AKAP6: variants seen among roughly 807,000 people sequenced by gnomAD.
AKAP6 encodes the protein A-kinase anchoring protein 6.
A neutral mutation model predicts 188.5 loss-of-function variants in AKAP6; 58 were observed. That is an observed-to-expected ratio of 0.31 (90% CI 0.25 to 0.38). The LOEUF is 0.38. Among genes scored for constraint, AKAP6 ranks in the 10% least tolerant of loss-of-function variants. The probability of loss-of-function intolerance (pLI) is 1.00; values close to 1 mark genes in which losing one functional copy is unlikely to be tolerated. For missense variants in AKAP6, 2,710 were observed against 2,740.0 expected (o/e 0.99, Z 0.24); for synonymous variants, 989 against 998.6 (o/e 0.99, Z 0.18).
At chr14:32,671,816 T>C (rs1283940334) in intron 7 of AKAP6, among the ~76,000 whole-genome samples, 1 of 152,042 alleles carries the variant, frequency 6.6e-6, no homozygotes, top group Non-Finnish European at 1.5e-5. Context: ...AAAAGTAAAA[T>C]GGATTTTAAT....
intron 3 of AKAP6, among the ~76,000 whole-genome samples, chr14:32,544,922 T>G (rs1676883510): frequency 6.6e-6 from 1 of 152,198 alleles, no homozygotes; most frequent in Non-Finnish European, 1.5e-5. Flanking sequence ...AAATTCTTAT[T>G]AAATGAATAA....
At chr14:32,824,836 G>C in intron 13 of AKAP6, 21 bp downstream of exon 13, 2 of 1,517,358 alleles carry the variant, frequency 1.3e-6, no homozygotes, top group Non-Finnish European at 1.8e-6. Context: ...TCCTCATGCC[G>C]TATATGTATT....
In AKAP6 at chr14:32,331,271, G is replaced by A. The variant is rs182080739; in HGVS notation, c.-35+1863G>A. On this transcript the variant is annotated intron_variant, in intron 1 of 13. Transcript: ENST00000280979. ...TTAATTCTTGTCTCTTTTGTTTAAA[G>A]TGCTCTTCAGCTGCTTCATCATGGT... is the stretch of plus-strand genomic sequence containing the variant. Among the ~76,000 whole-genome samples, 221 of 152,114 alleles carry A rather than the reference G, an allele frequency of 1.5e-3. 2 individuals are homozygous for A. The Middle Eastern group carries it at 0.017, about 12-fold the overall frequency.
rs530924757 is a variant in AKAP6 at position 32,431,836 on chromosome 14, A to C, written c.-34-1624A>C. Among the ~76,000 whole-genome samples the C allele has an allele frequency of 3.3e-5, 5 of 152,312 alleles. No individual in the cohort carries two copies. In the South Asian group the frequency reaches 1.0e-3, roughly 32 times the overall value. On this transcript the variant is annotated intron_variant, in intron 1 of 13. Transcript: ENST00000280979. ...GCCTTCTCCTCACCATTGAATTCAA[A>C]AGTTAGATGCCTGAGAAATTAGGGA...
At chr14:32,405,463 A>G (rs1015898402) in intron 1 of AKAP6, among the ~76,000 whole-genome samples, 1 of 152,228 alleles carries the variant, frequency 6.6e-6, no homozygotes, top group African/African-American at 2.4e-5. Flanking sequence ...CAATGTTGAC[A>G]TTATTCAAAT....
At position 32,732,569 on chromosome 14, in the gene AKAP6, A is replaced by G. The variant is rs2031228885; in HGVS notation, c.3116A>G (p.Asp1039Gly). ...CCAAATGATCTCCTTGAAAAAGTGG[A>G]TTCAATTAATGAAAAATGGGAACTG... ...LLPNDLLEKV[D>G]SINEKWELLG... The change falls in exon 10 of 14, where the codon GAT becomes GGT. Residue 1039 changes from aspartate (D) to glycine (G), a missense_variant. By Grantham distance (94) the Asp-to-Gly change is moderately conservative (BLOSUM62 -1). This residue lies in a region of AKAP6 where 2,473 missense variants were observed against 2,426.1 expected (regional missense o/e 1.02). Transcript: ENST00000280979. 6.2e-7 allele frequency: 1 copy of G among 1,613,496 alleles called. No homozygotes were observed. The highest frequency in any genetic ancestry group is 1.1e-5 in the South Asian group (1 of 91,072).
chr14:32,518,950 G>C (rs976662468), intron 2 of AKAP6, among the ~76,000 whole-genome samples: 1 of 152,194 alleles, frequency 6.6e-6, no homozygotes, highest in Non-Finnish European at 1.5e-5. Context: ...AGAGAGAAAG[G>C]TCGGGTTACC....
At position 32,568,876 on chromosome 14, in the gene AKAP6, T is replaced by G. The variant is rs1259582008; in HGVS notation, c.2347-8244T>G. 1.3e-5 allele frequency among the ~76,000 whole-genome samples: 2 copies of G among 152,222 alleles called. No homozygotes were observed. The highest frequency in any genetic ancestry group is 2.9e-5 in the Non-Finnish European group (2 of 68,032). ...GTTCCAGTTTATTCCCATTTTTTTA[T>G]TTGTACCTATTTTTATTAGACTTTG... On this transcript the variant is annotated intron_variant, in intron 4 of 13. Transcript: ENST00000280979. This position sits in a 1 kb window ranked among gnomAD's most constrained non-coding sequence, Gnocchi z 6.2.
chr14:32,375,935 CACTT>C (rs1594554707), intron 1 of AKAP6: 2 of 152,182 alleles, frequency 1.3e-5, no homozygotes, highest in Non-Finnish European at 2.9e-5. Context: ...TTGTCTTCTT[CACTT>C]ACTTAAGATT....
Position 32,822,563 on chromosome 14 carries a change from A to G in AKAP6, c.4750A>G (p.Lys1584Glu), listed in dbSNP as rs1187427157. ...TGATTTATTTGGATTGGGCATCTTT[A>G]AAAATGGCAGTGACAGCCTCCAGCG... ...GGDLFGLGIF[K>E]NGSDSLQRST... Residue 1584 changes from lysine (K) to glutamate (E), a missense_variant, in exon 13 of 14, where the codon AAA becomes GAA. Physicochemically the swap from Lys to Glu is moderately conservative, Grantham distance 56. Around this residue, in one of 2 missense-constraint regions of AKAP6, gnomAD observed 2,473 missense variants for 2,426.1 expected, o/e 1.02. Transcript: ENST00000280979. 1 of 1,613,892 alleles carries G rather than the reference A, an allele frequency of 6.2e-7. No individual in the cohort carries two copies. Among genetic ancestry groups the G allele is most frequent in the African/African-American group, 1.3e-5 (1 of 74,902 alleles).
intron 1 of AKAP6, among the ~76,000 whole-genome samples, chr14:32,398,624 G>C (rs1267388997): frequency 6.6e-6 from 1 of 152,152 alleles, no homozygotes; most frequent in Non-Finnish European, 1.5e-5. Context: ...AGCAGAAGGA[G>C]AGGGGACAGT....
chr14:32,496,274 T>G lies in AKAP6; in HGVS notation c.325-39280T>G, dbSNP rs138679994. ...GAGAGTTACAACTAAATTTATGCTT[T>G]GATGGTTCTTTTTTGCATGTCAGGT... On this transcript the variant is annotated intron_variant, in intron 2 of 13. Transcript: ENST00000280979. Among the ~76,000 whole-genome samples the G allele has an allele frequency of 6.5e-3, 992 of 152,312 alleles. 12 individuals are homozygous for G. The highest frequency in any genetic ancestry group is 0.022 in the African/African-American group (902 of 41,576).
intron 7 of AKAP6, among the ~76,000 whole-genome samples, chr14:32,661,608 C>A (rs959328983): frequency 6.6e-6 from 1 of 152,074 alleles, no homozygotes; most frequent in South Asian, 2.1e-4. Flanking sequence ...TGCCATACCC[C>A]GGCTCTTTTA....
chr14:32,615,884 G>A (rs750083954), intron 7 of AKAP6, among the ~76,000 whole-genome samples: 4 of 152,044 alleles, frequency 2.6e-5, no homozygotes, highest in African/African-American at 4.8e-5. Context: ...GTGAGCCACC[G>A]CGCCCAGCCT....
Position 32,830,540 on chromosome 14 carries a change from A to G in AKAP6, c.*735A>G, listed in dbSNP as rs1487538447. On this transcript the variant is annotated 3_prime_UTR_variant, in exon 14 of 14. Coordinates refer to ENST00000280979, the MANE Select transcript of AKAP6 (RefSeq NM_004274.5). ...GGTAATGAGAAAAAAGTTTTTTAAA[A>G]AAGTGTGCCTTGCTGTATTTCTTAT... 1 of 152,628 alleles carries G rather than the reference A, an allele frequency of 6.6e-6. No individual in the cohort carries two copies. The highest frequency in any genetic ancestry group is 2.4e-5 in the African/African-American group (1 of 41,454). The allele number at this position is 152,628 out of a possible 1,614,324, so 9.5% of individuals were successfully genotyped here. A position where few individuals can be genotyped will look rare whatever the true frequency, so the allele number is the denominator to read the frequency against.
intron 9 of AKAP6, among the ~76,000 whole-genome samples, chr14:32,723,269 G>T (rs1270968194): frequency 4.6e-5 from 7 of 152,172 alleles, no homozygotes; most frequent in Non-Finnish European, 8.8e-5. Flanking sequence ...TCTTTATGCA[G>T]TTTAAAACTT....
At chr14:32,345,335 A>C (rs901400643) in intron 1 of AKAP6, among the ~76,000 whole-genome samples, 1 of 152,196 alleles carries the variant, frequency 6.6e-6, no homozygotes, top group Non-Finnish European at 1.5e-5. Context: ...GGTAACTCTC[A>C]AGGAACAAAA....
intron 2 of AKAP6, among the ~76,000 whole-genome samples, chr14:32,533,427 G>A (rs1384064655): frequency 6.6e-6 from 1 of 152,138 alleles, no homozygotes; most frequent in Non-Finnish European, 1.5e-5. Context: ...CTCAGGTGAG[G>A]ACTGGGAGAA....
At chr14:32,599,387 A>G (rs1191610716) in intron 5 of AKAP6, 23 bp from the exon 6 acceptor site, 3 of 1,595,394 alleles carry the variant, frequency 1.9e-6, no homozygotes, top group Non-Finnish European at 2.6e-6. Context: ...GCCAGGGTTT[A>G]ATGTTCATAT....
Sources: allele counts gnomAD v4.1 joint callset (sites outside exome capture counted in the v4.1 genomes callset), GRCh38; gene constraint gnomAD v4.1.1; regional missense constraint gnomAD v4.1.1; non-coding constraint Gnocchi (gnomAD v3.1); transcripts MANE v1.5; gene names NCBI Gene and HGNC (gene_info 2026-07-23, HGNC 2026-07-21).